Variants in SEMA5A observed in about 807,000 individuals in gnomAD.
SEMA5A encodes semaphorin-5A.
A neutral mutation model predicts 135.5 loss-of-function variants in SEMA5A; 55 were observed. The ratio of observed to expected loss-of-function variants is 0.41; its 90% confidence interval spans 0.33 to 0.51. The LOEUF is 0.51. Ranked by LOEUF, SEMA5A falls within the 20% of genes least tolerant of loss-of-function variation. The probability of loss-of-function intolerance (pLI) is 0.37; values close to 1 mark genes in which losing one functional copy is unlikely to be tolerated. For missense variants in SEMA5A, 1,290 were observed against 1,419.9 expected (o/e 0.91, Z 1.47); for synonymous variants, 580 against 546.5 (o/e 1.06, Z -0.85).
intron 1 of SEMA5A, among the ~76,000 whole-genome samples, chr5:9,456,768 A>G (rs1758853004): frequency 6.6e-6 from 1 of 152,232 alleles, no homozygotes; most frequent in African/African-American, 2.4e-5. Flanking sequence ...GGAAACTTCA[A>G]GAAGCACTGG....
chr5:9,110,004 T>C (rs2036575), intron 15 of SEMA5A, among the ~76,000 whole-genome samples: 17,581 of 151,664 alleles, frequency 0.12, 1,551 homozygotes, highest in East Asian at 0.32. Context: ...ACAGGGACAA[T>C]GTGAAAAGTA....
intron 5 of SEMA5A, among the ~76,000 whole-genome samples, chr5:9,307,618 G>T (rs1751932643): frequency 6.6e-6 from 1 of 152,082 alleles, no homozygotes. Context: ...TTGGAGCAAT[G>T]AGTTTTCCTG....
chr5:9,051,823 T>A lies in SEMA5A; in HGVS notation c.2845+50A>T, dbSNP rs534699954. On this transcript the variant is annotated intron_variant, in intron 20 of 22. Coordinates refer to ENST00000382496, the MANE Select transcript of SEMA5A (RefSeq NM_003966.3). ...TCTGACCTATGAATCATTTTCTCTC[T>A]CCATGTTGGAAATGATTTTATTCTT... The A allele has an allele frequency of 3.2e-5, 51 of 1,609,272 alleles. 1 individual carries two copies. In the South Asian group the frequency reaches 5.2e-4, roughly 16 times the overall value.
chr5:9,166,593 C>G (rs1743621238), intron 11 of SEMA5A, among the ~76,000 whole-genome samples: 1 of 152,226 alleles, frequency 6.6e-6, no homozygotes, highest in African/African-American at 2.4e-5. Flanking sequence ...ACTCACTGTA[C>G]ATATGCCAGG....
At chr5:9,132,788 C>T (rs1014267548) in intron 13 of SEMA5A, among the ~76,000 whole-genome samples, 5 of 152,216 alleles carry the variant, frequency 3.3e-5, no homozygotes, top group African/African-American at 1.2e-4. Context: ...ACTCTTATTG[C>T]ACTCAATGTA....
intron 4 of SEMA5A, among the ~76,000 whole-genome samples, chr5:9,337,257 C>T (rs1753430568): frequency 6.6e-6 from 1 of 152,202 alleles, no homozygotes; most frequent in African/African-American, 2.4e-5. Flanking sequence ...ATCAAGATCT[C>T]TGGATCTCTA....
At chr5:9,051,845 T>G (rs1736595553) in intron 20 of SEMA5A, 28 bp downstream of exon 20, 1 of 1,613,916 alleles carries the variant, frequency 6.2e-7, no homozygotes, top group South Asian at 1.1e-5. Context: ...ATGATTTTAT[T>G]CTTACTGATA....
chr5:9,428,057 CAT>C (rs1368291305), intron 2 of SEMA5A, among the ~76,000 whole-genome samples: 3 of 148,910 alleles, frequency 2.0e-5, no homozygotes, highest in Non-Finnish European at 4.5e-5. Context: ...ACATATATTA[CAT>C]ATATGTGTGT....
intron 9 of SEMA5A, among the ~76,000 whole-genome samples, chr5:9,197,992 T>A (rs568332778): frequency 6.6e-6 from 1 of 152,208 alleles, no homozygotes; most frequent in South Asian, 2.1e-4. Context: ...GAGAAAGTCA[T>A]AAATGGGAGC....
In SEMA5A at chr5:9,259,599, G is replaced by A. The variant is rs1282394608; in HGVS notation, c.271-21709C>T. Among the ~76,000 whole-genome samples, 8 of 151,978 alleles carry A rather than the reference G, an allele frequency of 5.3e-5. No individual in the cohort carries two copies. In the East Asian group the frequency reaches 1.5e-3, roughly 29 times the overall value. ...TGGTGCAGAGCTGAGTTCAATTCCT[G>A]GGTATCCTTGTTGACTTTCTGTCTC... On this transcript the variant is annotated intron_variant, in intron 5 of 22. Coordinates refer to ENST00000382496, the MANE Select transcript of SEMA5A (RefSeq NM_003966.3).
chr5:9,132,160 A>T (rs1482532453), intron 13 of SEMA5A, among the ~76,000 whole-genome samples: 3 of 152,178 alleles, frequency 2.0e-5, no homozygotes, highest in Non-Finnish European at 4.4e-5. Flanking sequence ...GAAACCCATA[A>T]ACATTTTTAA....
chr5:9,147,537 G>A (rs1223457113), intron 12 of SEMA5A, among the ~76,000 whole-genome samples: 2 of 151,834 alleles, frequency 1.3e-5, no homozygotes, highest in South Asian at 2.1e-4. Context: ...CCCAAAGTGC[G>A]GGGATTATAG....
At chr5:9,263,604 G>A (rs194155) in intron 5 of SEMA5A, among the ~76,000 whole-genome samples, 152,070 of 152,342 alleles carry the variant, frequency 1, 75,900 homozygotes, top group Middle Eastern at 1. Context: ...GATCTAAGTC[G>A]TTAGAACTCT....
At chr5:9,477,809 C>T (rs1461380026) in intron 1 of SEMA5A, among the ~76,000 whole-genome samples, 2 of 152,194 alleles carry the variant, frequency 1.3e-5, no homozygotes, top group East Asian at 3.8e-4. Flanking sequence ...GGAAAATTTG[C>T]AGTCTGACCA....
intron 5 of SEMA5A, among the ~76,000 whole-genome samples, chr5:9,244,980 G>T (rs911912402): frequency 1.3e-5 from 2 of 152,110 alleles, no homozygotes; most frequent in East Asian, 1.9e-4. Flanking sequence ...AGTAGACAAC[G>T]TTTTTTTAAG....
chr5:9,078,502 T>C (rs191100958), intron 16 of SEMA5A, among the ~76,000 whole-genome samples: 2 of 151,904 alleles, frequency 1.3e-5, no homozygotes, highest in African/African-American at 2.4e-5. Context: ...CATGGGGACA[T>C]TTACCCCAGA....
At chr5:9,210,639 G>T (rs1385802423) in intron 8 of SEMA5A, among the ~76,000 whole-genome samples, 1 of 152,156 alleles carries the variant, frequency 6.6e-6, no homozygotes, top group Non-Finnish European at 1.5e-5. Context: ...AGCTTGTAAA[G>T]GAGGAAGGGT....
At chr5:9,120,258 TA>T (rs1236881195) in intron 14 of SEMA5A, among the ~76,000 whole-genome samples, 1 of 152,138 alleles carries the variant, frequency 6.6e-6, no homozygotes, top group Non-Finnish European at 1.5e-5. Context: ...TAGCTCACAT[TA>T]ATTCTCATTT....
At chr5:9,427,042 G>GTGGCTC (rs143782112) in intron 2 of SEMA5A, among the ~76,000 whole-genome samples, 4,913 of 152,294 alleles carry the variant, frequency 0.032, 208 homozygotes, top group East Asian at 0.14. Flanking sequence ...GCCAGGTGCA[G>GTGGCTC]TGGCTCATGC....
Sources: allele counts gnomAD v4.1 joint callset (sites outside exome capture counted in the v4.1 genomes callset), GRCh38; gene constraint gnomAD v4.1.1; transcripts MANE v1.5; gene names NCBI Gene and HGNC (gene_info 2026-07-23, HGNC 2026-07-21).